Variants in THSD7B observed in about 807,000 individuals in gnomAD.
The protein encoded by THSD7B is thrombospondin type 1 domain containing 7B, also known as thrombospondin type-1 domain-containing protein 7B.
THSD7B carries 138 observed loss-of-function variants against 213.6 expected under a neutral mutation model. That is an observed-to-expected ratio of 0.65 (90% CI 0.56 to 0.74). THSD7B has a LOEUF of 0.74. Among genes scored for constraint, THSD7B ranks in the 30% least tolerant of loss-of-function variants. THSD7B has a pLI of 0.00. For missense variants in THSD7B, 1,931 were observed against 1,991.5 expected (o/e 0.97, Z 0.58); for synonymous variants, 742 against 687.0 (o/e 1.08, Z -1.25).
chr2:137,669,311 T>G (rs1683514853), intron 27 of THSD7B, among the ~76,000 whole-genome samples: 1 of 151,580 alleles, frequency 6.6e-6, no homozygotes, highest in Non-Finnish European at 1.5e-5. Context: ...TAAGGTGACT[T>G]TAATTCTTTC....
intron 2 of THSD7B, among the ~76,000 whole-genome samples, chr2:136,956,217 A>G (rs1399196171): frequency 6.6e-6 from 1 of 152,184 alleles, no homozygotes; most frequent in Non-Finnish European, 1.5e-5. Flanking sequence ...ATCTCAAAAG[A>G]ACTTTGTAAA....
intron 17 of THSD7B, among the ~76,000 whole-genome samples, chr2:137,576,295 A>T (rs187544597): frequency 5.0e-4 from 76 of 152,240 alleles, no homozygotes; most frequent in Admixed American, 7.2e-4. Context: ...CAGAAGCAAG[A>T]CTTTGCAAAC....
chr2:137,660,481 G>A (rs16839276), intron 25 of THSD7B, among the ~76,000 whole-genome samples: 7,470 of 152,090 alleles, frequency 0.049, 366 homozygotes, highest in East Asian at 0.25. Context: ...AATCAAGATG[G>A]GTTAATTCTT....
intron 7 of THSD7B, among the ~76,000 whole-genome samples, chr2:137,173,342 G>A (rs1198940682): frequency 1.3e-5 from 2 of 152,176 alleles, no homozygotes; most frequent in Admixed American, 1.3e-4. Flanking sequence ...CATTGGTTTG[G>A]TTGGAACCCA....
intron 12 of THSD7B, among the ~76,000 whole-genome samples, chr2:137,387,654 CA>C (rs921779108): frequency 1.3e-5 from 2 of 151,744 alleles, no homozygotes; most frequent in Admixed American, 6.6e-5. Context: ...CAGAAAGAAC[CA>C]AAAAAGAAAT....
intron 2 of THSD7B, among the ~76,000 whole-genome samples, chr2:136,899,257 C>T (rs573390727): frequency 6.6e-6 from 1 of 152,226 alleles, no homozygotes; most frequent in South Asian, 2.1e-4. Flanking sequence ...CTCTAAAATC[C>T]CAACCCCTGG....
intron 12 of THSD7B, among the ~76,000 whole-genome samples, chr2:137,395,633 T>C (rs1686161090): frequency 6.6e-6 from 1 of 152,226 alleles, no homozygotes; most frequent in Non-Finnish European, 1.5e-5. Context: ...TCTTTTTTTG[T>C]TGTGTCTCTG....
intron 15 of THSD7B, among the ~76,000 whole-genome samples, chr2:137,525,409 A>G (rs997988282): frequency 6.6e-6 from 1 of 152,164 alleles, no homozygotes; most frequent in Non-Finnish European, 1.5e-5. Context: ...GTTTATGAGC[A>G]TCCCTTCAGT....
chr2:136,859,148 A>G (rs1652430), intron 1 of THSD7B, among the ~76,000 whole-genome samples: 143,335 of 152,284 alleles, frequency 0.94, 67,719 homozygotes, highest in East Asian at 1. Context: ...TGTACTTGTG[A>G]GATGTTAACA....
rs11896794 is a variant in THSD7B at position 137,316,735 on chromosome 2, G to A, written c.2500+40709G>A. ...ATGGTGCCACTGCACTCCAGCCTGG[G>A]CGACAGAGCGAGACTCTGTCTCAAA... On this transcript the variant is annotated intron_variant, in intron 12 of 27. Transcript: ENST00000409968. 4.7e-3 allele frequency among the ~76,000 whole-genome samples: 698 copies of A among 148,706 alleles called. 4 individuals carry two copies. Among genetic ancestry groups the A allele is most frequent in the African/African-American group, 0.017 (662 of 39,970 alleles).
At chr2:137,234,415 C>T (rs1343433860) in intron 9 of THSD7B, among the ~76,000 whole-genome samples, 2 of 152,152 alleles carry the variant, frequency 1.3e-5, no homozygotes, top group African/African-American at 4.8e-5. Context: ...CACCCAAGCT[C>T]CGTTATGGGA....
chr2:137,079,656 T>C (rs1687701614), intron 3 of THSD7B, among the ~76,000 whole-genome samples: 1 of 152,242 alleles, frequency 6.6e-6, no homozygotes, highest in South Asian at 2.1e-4. Flanking sequence ...GGTTTACCTT[T>C]ATGTGTCAGT....
chr2:137,052,082 G>T (rs989868267), intron 2 of THSD7B, among the ~76,000 whole-genome samples: 1 of 152,144 alleles, frequency 6.6e-6, no homozygotes, highest in Non-Finnish European at 1.5e-5. Flanking sequence ...ACAAATCACA[G>T]AGCCTTAAAT....
At chr2:137,161,795 C>T (rs1444663866) in intron 6 of THSD7B, among the ~76,000 whole-genome samples, 5 of 152,168 alleles carry the variant, frequency 3.3e-5, no homozygotes, top group East Asian at 3.8e-4. Flanking sequence ...ATGATCTACA[C>T]ATATATAGTC....
At chr2:136,796,369 G>A (rs946460408) in intron 1 of THSD7B, among the ~76,000 whole-genome samples, 1 of 151,910 alleles carries the variant, frequency 6.6e-6, no homozygotes, top group Admixed American at 6.6e-5. Flanking sequence ...TAATTTCTTC[G>A]TGGGATGGTT....
intron 12 of THSD7B, among the ~76,000 whole-genome samples, chr2:137,278,199 T>G (rs967238784): frequency 6.6e-6 from 1 of 151,962 alleles, no homozygotes; most frequent in African/African-American, 2.4e-5. Context: ...AAAATACTCA[T>G]TAAGGAGCCA....
chr2:136,836,426 G>C (rs1682843497), intron 1 of THSD7B, among the ~76,000 whole-genome samples: 1 of 152,136 alleles, frequency 6.6e-6, no homozygotes, highest in South Asian at 2.1e-4. Context: ...ATATTGTCTA[G>C]TCCTGTGGCT....
chr2:137,377,409 A>G (rs77336881), intron 12 of THSD7B, among the ~76,000 whole-genome samples: 21 of 152,118 alleles, frequency 1.4e-4, no homozygotes, highest in African/African-American at 4.8e-4. Context: ...ACTTTTATTT[A>G]AAAAAGTTAA....
At chr2:137,399,333 C>T (rs553120749) in intron 12 of THSD7B, among the ~76,000 whole-genome samples, 1 of 152,054 alleles carries the variant, frequency 6.6e-6, no homozygotes, top group Admixed American at 6.5e-5. Flanking sequence ...GCTGGGATTA[C>T]AGGTATGCGC....
Sources: gnomAD v4.1 joint callset for allele counts (sites outside exome capture counted in the v4.1 genomes callset) on GRCh38, gnomAD v4.1.1 for gene constraint, MANE v1.5 for transcripts, NCBI Gene and HGNC (gene_info 2026-07-23, HGNC 2026-07-21) for gene names.